FAM3B: variants seen among roughly 807,000 people sequenced by gnomAD.
FAM3B encodes the protein FAM3 metabolism regulating signaling molecule B, also known as protein FAM3B.
FAM3B carries 29 observed loss-of-function variants against 28.4 expected under a neutral mutation model. That is an observed-to-expected ratio of 1.02 (90% CI 0.76 to 1.39). The LOEUF is 1.39. Ranked by LOEUF, FAM3B falls within the 40% of genes most tolerant of loss-of-function variation. FAM3B has a pLI of 0.00. For missense variants in FAM3B, 266 were observed against 293.9 expected (o/e 0.91, Z 0.69); for synonymous variants, 91 against 103.0 (o/e 0.88, Z 0.71).
chr21:41,343,984 G>T (rs1344657631), intron 3 of FAM3B, among the ~76,000 whole-genome samples: 1 of 152,172 alleles, frequency 6.6e-6, no homozygotes, highest in Non-Finnish European at 1.5e-5. Flanking sequence ...GCCTGTTGTA[G>T]TGGTGCACGC....
chr21:41,316,884 G>C lies in FAM3B; in HGVS notation c.5G>C (p.Arg2Pro). 1 of 1,403,728 alleles carries C rather than the reference G, an allele frequency of 7.1e-7. No individual in the cohort carries two copies. Among genetic ancestry groups the C allele is most frequent in the Non-Finnish European group, 9.3e-7 (1 of 1,080,582 alleles). The allele number at this position is 1,403,728 out of a possible 1,614,324, so 87.0% of individuals were successfully genotyped here. A position where few individuals can be genotyped will look rare whatever the true frequency, so the allele number is the denominator to read the frequency against. Residue 2 changes from arginine (R) to proline (P), a missense_variant, in exon 1 of 8, where the codon CGC (arginine) becomes CCC (proline). By Grantham distance (103) the Arg-to-Pro change is moderately radical (BLOSUM62 -2). Transcript: ENST00000357985. Reference protein sequence around the residue: MRPLAGGLLKVV... With the variant: MPPLAGGLLKVV... ...GAGGGGAGCGGCACCTGGAAGATGC[G>C]CCCATTGGCTGGTGGTGAGTGCGCC...
rs373278221 is a variant in FAM3B, at chr21:41,344,533, C to A, written c.345C>A (p.Asn115Lys). 1 of 1,612,644 alleles carries A rather than the reference C, an allele frequency of 6.2e-7. No individual in the cohort carries two copies. Among genetic ancestry groups the A allele is most frequent in the Non-Finnish European group, 8.5e-7 (1 of 1,178,600 alleles). ...VARGINIAIV[N>K]YVTGNVTATR... ...GAGGAATAAACATTGCCATTGTCAA[C>A]TGTAAGTTACTAAACATTTTCTTTA... The change falls in exon 4 of 8, where the codon AAC becomes AAA. Residue 115 changes from asparagine to lysine, a missense_variant and splice_region_variant. By Grantham distance (94) the Asn-to-Lys change is moderately conservative (BLOSUM62 0). Transcript: ENST00000357985.
intron 1 of FAM3B, among the ~76,000 whole-genome samples, chr21:41,317,600 C>T (rs2088761611): frequency 6.6e-6 from 1 of 152,072 alleles, no homozygotes; most frequent in African/African-American, 2.4e-5. Context: ...GGGTCTCCTC[C>T]TATAATCTGA....
chr21:41,304,369 G>A (rs777641698), intron 1 of FAM3B: 67 of 452,470 alleles, frequency 1.5e-4, no homozygotes, highest in Admixed American at 1.4e-3. Context: ...GGACGCTGCC[G>A]CCTGCATCTG....
chr21:41,337,642 A>G (rs1438171002), intron 2 of FAM3B, among the ~76,000 whole-genome samples: 1 of 151,642 alleles, frequency 6.6e-6, no homozygotes, highest in Non-Finnish European at 1.5e-5. Context: ...GTGATATGGT[A>G]TGTGTTGGGG....
intron 1 of FAM3B, among the ~76,000 whole-genome samples, chr21:41,322,012 C>T (rs913159507): frequency 2.0e-5 from 3 of 152,128 alleles, no homozygotes; most frequent in Non-Finnish European, 4.4e-5. Flanking sequence ...CCTATTAGCA[C>T]ATATTTAAAT....
At chr21:41,337,644 G>A (rs2145817207) in intron 2 of FAM3B, among the ~76,000 whole-genome samples, 1 of 152,206 alleles carries the variant, frequency 6.6e-6, no homozygotes, top group East Asian at 1.9e-4. Context: ...GATATGGTAT[G>A]TGTTGGGGGA....
chr21:41,322,853 G>C, intron 1 of FAM3B, 70 bp from the exon 2 acceptor site: 1 of 1,613,018 alleles, frequency 6.2e-7, no homozygotes, highest in Non-Finnish European at 8.5e-7. Flanking sequence ...CCACAGGGGG[G>C]ATGGGGAGGG....
At chr21:41,311,285 T>C (rs1229506402) in intron 1 of FAM3B, among the ~76,000 whole-genome samples, 2 of 94,716 alleles carry the variant, frequency 2.1e-5, no homozygotes, top group East Asian at 7.6e-4. Context: ...TATATATATA[T>C]ATATATATAT....
In FAM3B at chr21:41,311,252, ATATATATATATATATATATATATATAT is replaced by A. The variant is rs1171412742; in HGVS notation, n.99+6943_99+6969del. Among the ~76,000 whole-genome samples, 65 of 21,542 alleles carry A rather than the reference ATATATATATATATATATATATATATAT, an allele frequency of 3.0e-3. 3 individuals carry two copies. The highest frequency in any genetic ancestry group is 0.021 in the East Asian group (6 of 288). 14.1% of individuals were successfully genotyped at this position (21,542 alleles called of 152,430 possible). ...CTGTCTCTACAAAAAAAAAAAAAAA[ATATATATATATATATATATATATATAT>A]ATATATATATATATATATGTATATA... On this transcript the variant is annotated intron_variant and non_coding_transcript_variant, in intron 1 of 9. Coordinates refer to the FAM3B transcript ENST00000479810.
At chr21:41,337,073 C>T (rs957062242) in intron 2 of FAM3B, among the ~76,000 whole-genome samples, 3 of 152,038 alleles carry the variant, frequency 2.0e-5, no homozygotes, top group African/African-American at 7.3e-5. Flanking sequence ...TTCATTGTTT[C>T]CTGGTTGTTT....
intron 7 of FAM3B, among the ~76,000 whole-genome samples, chr21:41,350,975 AC>A (rs1287173855): frequency 6.6e-6 from 1 of 152,160 alleles, no homozygotes. Flanking sequence ...GTTGTGCCAC[AC>A]AGGGACCCCC....
At chr21:41,351,730 A>G (rs2089122209) in intron 7 of FAM3B, among the ~76,000 whole-genome samples, 2 of 152,256 alleles carry the variant, frequency 1.3e-5, no homozygotes, top group Admixed American at 1.3e-4. Context: ...TTCTAGGCAC[A>G]GCGCCTGGGC....
At chr21:41,347,942 G>T (rs1046744840) in intron 6 of FAM3B, among the ~76,000 whole-genome samples, 1 of 152,034 alleles carries the variant, frequency 6.6e-6, no homozygotes, top group Non-Finnish European at 1.5e-5. Context: ...CCCAGACAGG[G>T]CTACTGACCA....
intron 1 of FAM3B, among the ~76,000 whole-genome samples, chr21:41,309,933 C>T (rs986060767): frequency 6.6e-6 from 1 of 152,198 alleles, no homozygotes; most frequent in Non-Finnish European, 1.5e-5. Flanking sequence ...CTCAGTTTAC[C>T]TTTGCCTGCC....
upstream of FAM3B, among the ~76,000 whole-genome samples, chr21:41,313,197 CT>C (rs2088725673): frequency 6.6e-6 from 1 of 152,112 alleles, no homozygotes; most frequent in Non-Finnish European, 1.5e-5. Flanking sequence ...TTTGTTTTTT[CT>C]TTTTTAGATA....
chr21:41,304,416 G>A, intron 1 of FAM3B: 1 of 389,228 alleles, frequency 2.6e-6, no homozygotes, highest in South Asian at 1.8e-5. Context: ...CCCCCGAAGG[G>A]CCCCAGGTTG....
At chr21:41,352,816 T>C (rs8134373) in intron 7 of FAM3B, among the ~76,000 whole-genome samples, 46 of 108,940 alleles carry the variant, frequency 4.2e-4, no homozygotes, top group Non-Finnish European at 4.4e-4. Context: ...AATAAATAAA[T>C]AAATAAATAA....
chr21:41,348,560 G>T (rs1293551869), intron 6 of FAM3B, 32 bp from the exon 7 acceptor site: 2 of 1,613,698 alleles, frequency 1.2e-6, no homozygotes, highest in Non-Finnish European at 1.7e-6. Flanking sequence ...GTCTCCCTGA[G>T]ATGCTCACAT....
Sources: allele counts gnomAD v4.1 joint callset (sites outside exome capture counted in the v4.1 genomes callset), GRCh38; gene constraint gnomAD v4.1.1; transcripts MANE v1.5; gene names NCBI Gene and HGNC (gene_info 2026-07-23, HGNC 2026-07-21).